KSR2: variants seen among roughly 807,000 people sequenced by gnomAD.
KSR2 encodes the protein kinase suppressor of ras 2.
Under a neutral mutation model 107.8 loss-of-function variants are expected in KSR2, and 25 were observed. The observed-to-expected ratio is 0.23, with a 90% CI of 0.17 to 0.32. The LOEUF is 0.32. Ranked by LOEUF, KSR2 falls within the 10% of genes least tolerant of loss-of-function variation. KSR2 has a pLI of 1.00. For missense variants in KSR2, 887 were observed against 1,268.9 expected (o/e 0.70, Z 4.57); for synonymous variants, 480 against 507.0 (o/e 0.95, Z 0.71).
chr12:117,794,179 CCAACAT>C (rs1890474607), intron 3 of KSR2, among the ~76,000 whole-genome samples: 1 of 124,960 alleles, frequency 8.0e-6, no homozygotes, highest in Admixed American at 8.4e-5. Context: ...TGCGCACACA[CCAACAT>C]GCACACACAC....
chr12:117,781,067 G>C (rs2136944111), intron 3 of KSR2, among the ~76,000 whole-genome samples: 1 of 152,326 alleles, frequency 6.6e-6, no homozygotes, highest in African/African-American at 2.4e-5. Context: ...ATGGGGGCAA[G>C]TATTTCCCAT....
intron 4 of KSR2, among the ~76,000 whole-genome samples, chr12:117,725,744 G>A (rs920166077): frequency 2.0e-5 from 3 of 151,950 alleles, no homozygotes; most frequent in Admixed American, 6.6e-5. Flanking sequence ...TCAGGAGTTC[G>A]AGACCAGCCT....
At chr12:117,469,864 T>C (rs969125895) in intron 18 of KSR2, 69 bp from the exon 19 acceptor site, 83 of 1,535,260 alleles carry the variant, frequency 5.4e-5, no homozygotes, top group Non-Finnish European at 7.1e-5. Context: ...GGCATCACAT[T>C]TGGTCTGCCA....
intron 14 of KSR2, among the ~76,000 whole-genome samples, chr12:117,499,307 G>A (rs964465357): frequency 6.6e-6 from 1 of 152,228 alleles, no homozygotes; most frequent in East Asian, 1.9e-4. Context: ...TGGCTACTGG[G>A]ATTAGGAGGT....
At chr12:117,695,633 C>T (rs1397589839) in intron 4 of KSR2, among the ~76,000 whole-genome samples, 4 of 151,430 alleles carry the variant, frequency 2.6e-5, no homozygotes, top group Non-Finnish European at 5.9e-5. Flanking sequence ...ATCACTTGAG[C>T]CCAGGAAGTT....
chr12:117,943,525 A>AC, intron 1 of KSR2, among the ~76,000 whole-genome samples: 1 of 150,778 alleles, frequency 6.6e-6, no homozygotes, highest in Non-Finnish European at 1.5e-5. Flanking sequence ...AAAAAAAAAA[A>AC]AACCTCATAG....
intron 3 of KSR2, among the ~76,000 whole-genome samples, chr12:117,762,644 T>C (rs1308279405): frequency 1.3e-5 from 2 of 152,110 alleles, no homozygotes; most frequent in African/African-American, 2.4e-5. Context: ...ATGGGCAGAT[T>C]ACTTGAGGTC....
At chr12:117,558,787 T>C (rs1432377321) in intron 7 of KSR2, among the ~76,000 whole-genome samples, 8 of 85,392 alleles carry the variant, frequency 9.4e-5, no homozygotes, top group Admixed American at 5.1e-4. Context: ...GGTAGATGGA[T>C]TGATGCATGG....
At chr12:117,685,185 C>T (rs913210990) in intron 4 of KSR2, among the ~76,000 whole-genome samples, 11 of 152,226 alleles carry the variant, frequency 7.2e-5, no homozygotes, top group African/African-American at 2.7e-4. Flanking sequence ...CGGACTTTGC[C>T]TCTTAGGCCT....
chr12:117,817,272 G>T (rs4767629), intron 3 of KSR2, among the ~76,000 whole-genome samples: 26,814 of 152,052 alleles, frequency 0.18, 2,830 homozygotes, highest in Admixed American at 0.29. Flanking sequence ...CTGTCTATTT[G>T]CATCTGAATT....
At chr12:117,853,246 T>C (rs1249312717) in intron 3 of KSR2, among the ~76,000 whole-genome samples, 2 of 152,148 alleles carry the variant, frequency 1.3e-5, no homozygotes, top group African/African-American at 4.8e-5. Context: ...TTTCCAAAAA[T>C]AGGAGATTGG....
chr12:117,793,216 C>T (rs1280033283), intron 3 of KSR2, among the ~76,000 whole-genome samples: 2 of 130,978 alleles, frequency 1.5e-5, no homozygotes, highest in African/African-American at 6.1e-5. Flanking sequence ...ATGCACACAC[C>T]CTCACACCAA....
intron 7 of KSR2, among the ~76,000 whole-genome samples, chr12:117,570,546 C>A (rs376498140): frequency 1.3e-5 from 2 of 152,232 alleles, no homozygotes; most frequent in East Asian, 3.9e-4. Flanking sequence ...ACAGAAAAGG[C>A]GAAAATGGGC....
At chr12:117,804,462 C>G (rs35113053) in intron 3 of KSR2, among the ~76,000 whole-genome samples, 62,751 of 152,090 alleles carry the variant, frequency 0.41, 13,204 homozygotes, top group Admixed American at 0.53. Flanking sequence ...AAAGTTAGCT[C>G]ACCCCTGCTC....
At chr12:117,700,213 T>C (rs1886247532) in intron 4 of KSR2, among the ~76,000 whole-genome samples, 1 of 152,140 alleles carries the variant, frequency 6.6e-6, no homozygotes, top group Non-Finnish European at 1.5e-5. Flanking sequence ...CGTGGTTATG[T>C]GGCCCATGAC....
chr12:117,761,833 G>A (rs923483445), intron 3 of KSR2, among the ~76,000 whole-genome samples: 1 of 152,026 alleles, frequency 6.6e-6, no homozygotes. Flanking sequence ...TATGTTGTAT[G>A]CATGTTATAT....
At chr12:117,494,792 G>T (rs1178009692) in intron 14 of KSR2, among the ~76,000 whole-genome samples, 1 of 152,186 alleles carries the variant, frequency 6.6e-6, no homozygotes, top group African/African-American at 2.4e-5. Context: ...TTTAGCCAGG[G>T]TGCCCAGGGA....
rs987788073 is a variant in KSR2 at position 117,461,667 on chromosome 12, C to T, written c.*5532G>A. On this transcript the variant is annotated 3_prime_UTR_variant, in exon 20 of 20. Coordinates refer to ENST00000339824, the MANE Select transcript of KSR2 (RefSeq NM_173598.6). ...GAGAGGACAGAGGTTCACTGCGGCT[C>T]CACATTCCAGGACCCAGACTGACAT... The T allele has an allele frequency of 1.1e-5, 2 of 183,648 alleles. No homozygotes were observed. The highest frequency in any genetic ancestry group is 4.7e-5 in the African/African-American group (2 of 42,454). 11.4% of individuals were successfully genotyped at this position (183,648 alleles called of 1,614,324 possible). A position where few individuals can be genotyped will look rare whatever the true frequency, so the allele number is the denominator to read the frequency against.
At chr12:117,699,760 T>TA (rs1214571050) in intron 4 of KSR2, among the ~76,000 whole-genome samples, 1 of 152,208 alleles carries the variant, frequency 6.6e-6, no homozygotes, top group East Asian at 1.9e-4. Context: ...GTAGGATTCA[T>TA]AAACACTGTA....
Sources: allele counts gnomAD v4.1 joint callset (sites outside exome capture counted in the v4.1 genomes callset), GRCh38; gene constraint gnomAD v4.1.1; transcripts MANE v1.5; gene names NCBI Gene and HGNC (gene_info 2026-07-23, HGNC 2026-07-21).